CALN1: variants seen among roughly 807,000 people sequenced by gnomAD.
The protein encoded by CALN1 is calcium-binding protein 8.
CALN1 carries 17 observed loss-of-function variants against 30.6 expected under a neutral mutation model. The observed-to-expected ratio is 0.56, with a 90% CI of 0.38 to 0.83. The LOEUF (loss-of-function observed/expected upper bound fraction) is 0.83. Among genes scored for constraint, CALN1 ranks in the 40% least tolerant of loss-of-function variants. CALN1 has a pLI of 0.00. For synonymous variants in CALN1, 156 were observed against 131.4 expected, an observed-to-expected ratio of 1.19 and a Z score of -1.28; for missense variants, 291 against 354.9, an observed-to-expected ratio of 0.82 and a Z score of 1.45.
intron 3 of CALN1, among the ~76,000 whole-genome samples, chr7:72,160,649 G>A (rs1161089733): frequency 1.3e-5 from 2 of 152,168 alleles, no homozygotes; most frequent in Non-Finnish European, 2.9e-5. Flanking sequence ...ATGGATATTT[G>A]TGGATCCATT....
intron 3 of CALN1, among the ~76,000 whole-genome samples, chr7:72,130,670 G>A (rs1338030808): frequency 6.6e-6 from 1 of 152,116 alleles, no homozygotes; most frequent in African/African-American, 2.4e-5. Context: ...TAAGGAGGAG[G>A]AGGGACAGGT....
At chr7:72,381,818 G>GTAAC (rs1471870150) in intron 2 of CALN1, among the ~76,000 whole-genome samples, 3 of 152,150 alleles carry the variant, frequency 2.0e-5, no homozygotes, top group Non-Finnish European at 4.4e-5. Context: ...GTATACTTAT[G>GTAAC]TAACCTGCAC....
At chr7:71,934,143 C>G (rs1159900576) in intron 5 of CALN1, among the ~76,000 whole-genome samples, 1 of 152,194 alleles carries the variant, frequency 6.6e-6, no homozygotes, top group Non-Finnish European at 1.5e-5. Context: ...CAGGCTGGAA[C>G]TGGCTCATGC....
In CALN1 at chr7:72,101,312, C is replaced by T. The variant is rs115182969; in HGVS notation, c.388+4839G>A. Among the ~76,000 whole-genome samples, 505 of 152,168 alleles carry T rather than the reference C, an allele frequency of 3.3e-3. 6 individuals carry two copies. Among genetic ancestry groups the T allele is most frequent in the African/African-American group, 0.012 (479 of 41,504 alleles). On this transcript the variant is annotated intron_variant, in intron 4 of 6. Transcript: ENST00000395275. ...AAGCCTTCTTAGTTCCAGAAACAGA[C>T]GTATAGATTAAGACTTTTCTTATTT...
At chr7:72,219,710 G>T (rs1004461411) in intron 3 of CALN1, among the ~76,000 whole-genome samples, 2 of 150,992 alleles carry the variant, frequency 1.3e-5, no homozygotes, top group African/African-American at 4.9e-5. Flanking sequence ...GCACACACAC[G>T]CACGTGCACA....
At chr7:72,302,366 T>C (rs560475368) in intron 2 of CALN1, among the ~76,000 whole-genome samples, 1 of 152,292 alleles carries the variant, frequency 6.6e-6, no homozygotes, top group South Asian at 2.1e-4. Context: ...TGAATGGCGA[T>C]CATGCTGACA....
chr7:72,122,705 G>A (rs944441142), intron 3 of CALN1, among the ~76,000 whole-genome samples: 7 of 152,134 alleles, frequency 4.6e-5, no homozygotes, highest in Non-Finnish European at 1.0e-4. Context: ...CAGCCTGGAT[G>A]ACAGAGCAAG....
chr7:72,296,015 G>C (rs200172915), intron 2 of CALN1, among the ~76,000 whole-genome samples: 40,108 of 150,654 alleles, frequency 0.27, 6,371 homozygotes, highest in Non-Finnish European at 0.36. Flanking sequence ...ATAGATAGCT[G>C]TTATTATTTT....
chr7:72,493,646 T>C, the CALN1 span, among the ~76,000 whole-genome samples: 1 of 152,220 alleles, frequency 6.6e-6, no homozygotes, highest in Non-Finnish European at 1.5e-5. Flanking sequence ...GCCGATTAAT[T>C]ATTCTTATCA....
chr7:72,224,163 C>T (rs2677280), intron 3 of CALN1, among the ~76,000 whole-genome samples: 1,637 of 152,032 alleles, frequency 0.011, 28 homozygotes, highest in African/African-American at 0.037. Flanking sequence ...GGCATATGTA[C>T]CCCCTTGAAT....
intron 4 of CALN1, among the ~76,000 whole-genome samples, chr7:72,029,578 A>G (rs1481511960): frequency 1.3e-5 from 2 of 152,342 alleles, no homozygotes; most frequent in East Asian, 3.9e-4. Flanking sequence ...TGGAAATTTC[A>G]GTGCCATCTC....
chr7:71,852,180 TG>T (rs1790684820), intron 5 of CALN1, among the ~76,000 whole-genome samples: 1 of 152,228 alleles, frequency 6.6e-6, no homozygotes, highest in African/African-American at 2.4e-5. Flanking sequence ...ATCTGTTCTC[TG>T]GTTGATTGAC....
At chr7:72,159,915 CCAG>C (rs1345698469) in intron 3 of CALN1, among the ~76,000 whole-genome samples, 6 of 152,186 alleles carry the variant, frequency 3.9e-5, no homozygotes, top group Non-Finnish European at 7.3e-5. Context: ...AAGTCTGTGA[CCAG>C]CAGCCCAACA....
chr7:72,239,312 C>G (rs1417051491), intron 3 of CALN1, among the ~76,000 whole-genome samples: 1 of 152,042 alleles, frequency 6.6e-6, no homozygotes, highest in Non-Finnish European at 1.5e-5. Context: ...GCAGGAGGAT[C>G]ACTTGAGCTC....
At chr7:72,403,761 G>A (rs1163400903) in intron 1 of CALN1, among the ~76,000 whole-genome samples, 1 of 152,084 alleles carries the variant, frequency 6.6e-6, no homozygotes, top group Non-Finnish European at 1.5e-5. Flanking sequence ...AGCTATAGCC[G>A]CCAAAGTGAT....
At chr7:71,969,729 A>G (rs764496952) in intron 5 of CALN1, among the ~76,000 whole-genome samples, 2 of 152,170 alleles carry the variant, frequency 1.3e-5, no homozygotes, top group Admixed American at 6.6e-5. Context: ...CTTTCTTTAA[A>G]TATTTTATGA....
intron 5 of CALN1, among the ~76,000 whole-genome samples, chr7:71,825,496 A>G (rs10950280): frequency 0.51 from 77,901 of 151,936 alleles, 20,707 homozygotes; most frequent in African/African-American, 0.66. Context: ...ACCTGAGACT[A>G]GGTAATTTAT....
At chr7:72,340,346 T>C (rs913563481) in intron 2 of CALN1, among the ~76,000 whole-genome samples, 5 of 151,958 alleles carry the variant, frequency 3.3e-5, no homozygotes, top group African/African-American at 1.2e-4. Context: ...GTATTGGGAT[T>C]ACTAGTCCCA....
At chr7:71,851,821 CAAAT>C (rs1379999237) in intron 5 of CALN1, among the ~76,000 whole-genome samples, 5 of 152,174 alleles carry the variant, frequency 3.3e-5, no homozygotes, top group South Asian at 2.1e-4. Context: ...CACAAACAAA[CAAAT>C]GTGTCTGTGA....
Sources: allele counts gnomAD v4.1 joint callset (sites outside exome capture counted in the v4.1 genomes callset), GRCh38; gene constraint gnomAD v4.1.1; transcripts MANE v1.5; gene names NCBI Gene and HGNC (gene_info 2026-07-23, HGNC 2026-07-21).